PLXDC2: variants seen among roughly 807,000 people sequenced by gnomAD.
PLXDC2 encodes the protein plexin domain containing 2.
A neutral mutation model predicts 68.9 loss-of-function variants in PLXDC2; 40 were observed. The observed-to-expected ratio is 0.58, with a 90% CI of 0.45 to 0.76. The LOEUF is 0.76. PLXDC2 is among the 30% of genes least tolerant of loss of function. The probability of loss-of-function intolerance (pLI) is 0.00; values close to 1 mark genes in which losing one functional copy is unlikely to be tolerated. For synonymous variants in PLXDC2, 243 were observed against 234.2 expected, an observed-to-expected ratio of 1.04 and a Z score of -0.34; for missense variants, 644 against 661.9, an observed-to-expected ratio of 0.97 and a Z score of 0.30.
intron 1 of PLXDC2, among the ~76,000 whole-genome samples, chr10:19,822,397 C>T (rs558788644): frequency 1.6e-4 from 24 of 151,890 alleles, no homozygotes; most frequent in Non-Finnish European, 2.6e-4. Context: ...AGGTTGTTGT[C>T]ATATCTTGGC....
chr10:20,003,096 C>T (rs1589580098), intron 2 of PLXDC2, among the ~76,000 whole-genome samples: 1 of 152,248 alleles, frequency 6.6e-6, no homozygotes, highest in East Asian at 1.9e-4. Context: ...TTCAGGGTTG[C>T]TCGAAGGCCT....
At chr10:19,836,107 G>T (rs1418032599) in intron 1 of PLXDC2, among the ~76,000 whole-genome samples, 3 of 152,082 alleles carry the variant, frequency 2.0e-5, no homozygotes, top group Non-Finnish European at 4.4e-5. Context: ...AGCCCAAGAG[G>T]TTGAGGCTGC....
chr10:20,092,956 G>A (rs576941804), intron 4 of PLXDC2, among the ~76,000 whole-genome samples: 4 of 152,246 alleles, frequency 2.6e-5, no homozygotes, highest in African/African-American at 9.6e-5. Context: ...ATCCTTGTTG[G>A]CACCTTGATT....
intron 12 of PLXDC2, among the ~76,000 whole-genome samples, chr10:20,243,165 C>T (rs372045979): frequency 1.3e-5 from 2 of 152,150 alleles, no homozygotes; most frequent in African/African-American, 4.8e-5. Context: ...AGGTATTGAT[C>T]AGAGGTCCAG....
At chr10:20,143,456 T>G in intron 5 of PLXDC2, 39 bp downstream of exon 5, 3 of 1,608,002 alleles carry the variant, frequency 1.9e-6, no homozygotes, top group Non-Finnish European at 2.6e-6. Flanking sequence ...GCATGTATAT[T>G]TTTAAACCTC....
intron 2 of PLXDC2, among the ~76,000 whole-genome samples, chr10:20,026,902 C>T (rs12256037): frequency 0.036 from 3,866 of 107,030 alleles, 111 homozygotes; most frequent in African/African-American, 0.11. Flanking sequence ...ATATAGAATA[C>T]ACTTTTATAA....
intron 1 of PLXDC2, 120 bp downstream of exon 1, chr10:19,817,311 A>G (rs1836371364): frequency 3.6e-6 from 3 of 829,138 alleles, no homozygotes; most frequent in South Asian, 1.7e-5. Context: ...AACTTATTGC[A>G]GTTGCTTTTC....
intron 13 of PLXDC2, 81 bp from the exon 14 acceptor site, chr10:20,279,622 A>G: frequency 9.4e-7 from 1 of 1,066,572 alleles, no homozygotes. Flanking sequence ...CATTTAATCT[A>G]AAATAGCTAG....
chr10:20,189,688 T>A (rs1834738865), intron 9 of PLXDC2, among the ~76,000 whole-genome samples: 1 of 151,126 alleles, frequency 6.6e-6, no homozygotes. Context: ...TCTGGAAAGA[T>A]AGTACTTGAC....
chr10:19,900,778 C>T (rs1370813738), intron 1 of PLXDC2, among the ~76,000 whole-genome samples: 1 of 151,654 alleles, frequency 6.6e-6, no homozygotes, highest in Non-Finnish European at 1.5e-5. Context: ...GCCCAGAGCC[C>T]CCAAAGTCCG....
intron 2 of PLXDC2, among the ~76,000 whole-genome samples, chr10:20,026,428 G>A (rs912387780): frequency 1.3e-5 from 2 of 152,078 alleles, no homozygotes; most frequent in East Asian, 1.9e-4. Context: ...AGTCCAAACT[G>A]GTCAATTTAA....
At chr10:20,104,590 C>A (rs916184934) in intron 4 of PLXDC2, among the ~76,000 whole-genome samples, 21 of 152,096 alleles carry the variant, frequency 1.4e-4, no homozygotes, top group Admixed American at 1.2e-3. Flanking sequence ...ATGTAGGTAT[C>A]CATTGCTGTT....
chr10:19,855,180 TGA>T (rs1406785594), intron 1 of PLXDC2, among the ~76,000 whole-genome samples: 1 of 152,150 alleles, frequency 6.6e-6, no homozygotes, highest in African/African-American at 2.4e-5. Flanking sequence ...TGAGTTTTTA[TGA>T]GAGAACTGTA....
chr10:20,078,661 CTA>C (rs1256969516), intron 4 of PLXDC2, among the ~76,000 whole-genome samples: 2 of 152,126 alleles, frequency 1.3e-5, no homozygotes, highest in African/African-American at 2.4e-5. Context: ...GTTTATGTTT[CTA>C]TTCCCTAGTT....
intron 1 of PLXDC2, among the ~76,000 whole-genome samples, chr10:19,942,148 C>T (rs1833830284): frequency 1.3e-5 from 2 of 152,126 alleles, no homozygotes; most frequent in Non-Finnish European, 2.9e-5. Context: ...CAGTCATTCT[C>T]TATCTTTTCC....
chr10:20,090,803 C>A (rs1833265915), intron 4 of PLXDC2, among the ~76,000 whole-genome samples: 1 of 152,098 alleles, frequency 6.6e-6, no homozygotes, highest in African/African-American at 2.4e-5. Context: ...CAAAATATAT[C>A]TTAAAAGGTA....
At chr10:20,012,616 G>A (rs1286029568) in intron 2 of PLXDC2, among the ~76,000 whole-genome samples, 5 of 151,702 alleles carry the variant, frequency 3.3e-5, no homozygotes, top group Non-Finnish European at 5.9e-5. Context: ...GTCAACCACC[G>A]CATCTGGCTT....
chr10:20,238,157 T>A (rs1464042038), intron 12 of PLXDC2, among the ~76,000 whole-genome samples: 2 of 149,842 alleles, frequency 1.3e-5, no homozygotes, highest in Non-Finnish European at 3.0e-5. Context: ...TAAATATATA[T>A]ATGTATATAC....
intron 1 of PLXDC2, among the ~76,000 whole-genome samples, chr10:19,818,270 G>GTA (rs1371061633): frequency 7.5e-6 from 1 of 134,184 alleles, no homozygotes; most frequent in Non-Finnish European, 1.6e-5. Context: ...GTGTGTGTGT[G>GTA]TGTAATTTAA....
Sources: allele counts gnomAD v4.1 joint callset (sites outside exome capture counted in the v4.1 genomes callset), GRCh38; gene constraint gnomAD v4.1.1; transcripts MANE v1.5; gene names NCBI Gene and HGNC (gene_info 2026-07-23, HGNC 2026-07-21).